C16orf96: variants seen among roughly 807,000 people sequenced by gnomAD.
The protein encoded by C16orf96 is uncharacterized protein C16orf96.
In C16orf96, 108 loss-of-function variants were observed where a neutral mutation model predicts 103.6. That is an observed-to-expected ratio of 1.04 (90% CI 0.89 to 1.22). The LOEUF (loss-of-function observed/expected upper bound fraction) is 1.22, where lower values mean the gene tolerates loss of function less well. Ranked by LOEUF, C16orf96 falls within the 50% of genes most tolerant of loss-of-function variation. The pLI is 0.00. For synonymous variants in C16orf96, 566 were observed against 593.5 expected, an observed-to-expected ratio of 0.95 and a Z score of 0.67; for missense variants, 1,586 against 1,464.2, an observed-to-expected ratio of 1.08 and a Z score of -1.36.
intron 9 of C16orf96, among the ~76,000 whole-genome samples, chr16:4,591,131 G>A (rs984416253): frequency 6.6e-6 from 1 of 152,300 alleles, no homozygotes; most frequent in South Asian, 2.1e-4. Flanking sequence ...AGGTTGCAGT[G>A]AGCAGAGATT....
At chr16:4,584,687 A>G (rs952430047) in intron 7 of C16orf96, among the ~76,000 whole-genome samples, 15 of 152,116 alleles carry the variant, frequency 9.9e-5, no homozygotes, top group Non-Finnish European at 1.9e-4. Flanking sequence ...GGCGTTTGCC[A>G]CCACACTCGG....
At chr16:4,580,635 CAA>C (rs895725367) in intron 7 of C16orf96, among the ~76,000 whole-genome samples, 2 of 151,440 alleles carry the variant, frequency 1.3e-5, no homozygotes, top group Admixed American at 6.6e-5. Flanking sequence ...TCACTTAAGA[CAA>C]AGAGTTTGAG....
intron 1 of C16orf96, chr16:4,562,794 T>G: frequency 8.1e-7 from 1 of 1,228,424 alleles, no homozygotes; most frequent in East Asian, 2.4e-5. Context: ...ACAGGTTTTA[T>G]TTATATGGCT....
Position 4,594,471 on chromosome 16 carries a change from C to G in C16orf96, c.2988C>G (p.Leu996=). The G allele has an allele frequency of 1.9e-6, 3 of 1,551,530 alleles. No individual in the cohort carries two copies. The highest frequency in any genetic ancestry group is 1.2e-5 in the South Asian group (1 of 84,068). Residue 996 remains leucine (L), a synonymous_variant, in exon 13 of 16, where the codon CTC becomes CTG. Coordinates refer to ENST00000444310, the MANE Select transcript of C16orf96 (RefSeq NM_001145011.2). ...GCAAGTCCTGCAACCTGTTGACGCT[C>G]TATCCCTACGGGGATCCCCACGTGA... is the stretch of plus-strand genomic sequence containing the variant. ...LKCKSCNLLT[L]YPYGDPHVID...
the C16orf96 span, among the ~76,000 whole-genome samples, chr16:4,545,959 C>G: frequency 6.6e-6 from 1 of 151,898 alleles, no homozygotes; most frequent in African/African-American, 2.4e-5. Context: ...AAGCGATTCT[C>G]CCGCCTCAGC....
rs191100057 is a variant in C16orf96, at chr16:4,577,178, C to T, written c.2155+543C>T. On this transcript the variant is annotated intron_variant, in intron 5 of 15. Coordinates refer to ENST00000444310, the MANE Select transcript of C16orf96 (RefSeq NM_001145011.2). The stretch of plus-strand genomic sequence containing the variant: ...TGCGCTCCAGCCTGGGCAACAAGAA[C>T]GAAACTCTGTCTCAAAAACAACAAC... Among the ~76,000 whole-genome samples the T allele has an allele frequency of 1.5e-4, 23 of 151,472 alleles. No individual in the cohort carries two copies. In the South Asian group the frequency reaches 2.3e-3, roughly 15 times the overall value.
chr16:4,573,463 G>A (rs1007089934), intron 2 of C16orf96, among the ~76,000 whole-genome samples: 14 of 128,124 alleles, frequency 1.1e-4, no homozygotes, highest in African/African-American at 3.0e-4. Flanking sequence ...AAAAAAGGTG[G>A]GGTCGGTGGG....
At chr16:4,540,948 T>C in the C16orf96 span, among the ~76,000 whole-genome samples, 11,099 of 149,892 alleles carry the variant, frequency 0.074, 813 homozygotes, top group African/African-American at 0.19. Context: ...GGAGTCTCGC[T>C]CTGTCACCAG....
chr16:4,541,736 G>A, the C16orf96 span, among the ~76,000 whole-genome samples: 3 of 152,170 alleles, frequency 2.0e-5, no homozygotes, highest in African/African-American at 2.4e-5. Context: ...GCAAGAAGGT[G>A]GTGATTTGCC....
upstream of C16orf96, among the ~76,000 whole-genome samples, chr16:4,554,234 G>C (rs1482385158): frequency 1.3e-5 from 2 of 152,216 alleles, no homozygotes; most frequent in Non-Finnish European, 2.9e-5. Context: ...GAGAGCACAG[G>C]GGTTGTGAAG....
the C16orf96 span, among the ~76,000 whole-genome samples, chr16:4,543,124 A>G: frequency 1.3e-5 from 2 of 152,212 alleles, no homozygotes; most frequent in African/African-American, 4.8e-5. Flanking sequence ...GAGTGCTTTG[A>G]GAGTTCAGGA....
chr16:4,591,611 G>C (rs1897060402), intron 9 of C16orf96, 55 bp from the exon 10 acceptor site: 2 of 1,399,034 alleles, frequency 1.4e-6, no homozygotes, highest in Non-Finnish European at 2.0e-6. Context: ...CTGGAAGGAG[G>C]CAGGGTGTGA....
rs1480503981 is a variant in C16orf96 at position 4,576,147 on chromosome 16, C to T, written c.1667C>T (p.Ala556Val). 1.3e-6 allele frequency: 2 copies of T among 1,551,376 alleles called. No individual in the cohort carries two copies. The highest frequency in any genetic ancestry group is 1.7e-6 in the Non-Finnish European group (2 of 1,146,994). Residue 556 changes from alanine (A) to valine (V), a missense_variant, in exon 5 of 16, where the codon GCT (alanine) becomes GTT (valine). By Grantham distance (64) the Ala-to-Val change is moderately conservative. Transcript: ENST00000444310. ...GCCCCCAAGGAAGCACAGCCTAAGG[C>T]TCCCCAGTCTGCCCTTCACCGGCTG... Reference protein sequence around the residue: ...DGAPKEAQPKAPQSALHRLKT... With the variant: ...DGAPKEAQPKVPQSALHRLKT...
chr16:4,560,692 A>G (rs988099203), intron 1 of C16orf96: 1 of 152,176 alleles, frequency 6.6e-6, no homozygotes, highest in Non-Finnish European at 1.5e-5. Context: ...ATGCACCTGT[A>G]ATCTCAGCTC....
chr16:4,576,611 C>T lies in C16orf96; in HGVS notation c.2131C>T (p.Leu711=). Reference sequence around the variant, plus strand: ...AGAATTTGCCCAGCTGTCCTGTAACCTGAACCAGCGCTTGAGTTATCTAGG... The same window carrying T: ...AGAATTTGCCCAGCTGTCCTGTAACTTGAACCAGCGCTTGAGTTATCTAGG... ...KEEFAQLSCN[L]NQRLSYLANM... The change falls in exon 5 of 16, where the codon CTG becomes TTG. Residue 711 remains leucine (L), a synonymous_variant. Transcript: ENST00000444310. 1 of 1,551,360 alleles carries T rather than the reference C, an allele frequency of 6.4e-7. No homozygotes were observed. The highest frequency in any genetic ancestry group is 8.7e-7 in the Non-Finnish European group (1 of 1,146,862).
At chr16:4,573,984 C>G (rs1402402569) in intron 2 of C16orf96, among the ~76,000 whole-genome samples, 4 of 150,764 alleles carry the variant, frequency 2.7e-5, no homozygotes, top group Non-Finnish European at 5.9e-5. Context: ...CAGGTGCAAG[C>G]CACCACGCCT....
chr16:4,584,078 G>A (rs1008207028), intron 7 of C16orf96, among the ~76,000 whole-genome samples: 9 of 152,144 alleles, frequency 5.9e-5, no homozygotes, highest in African/African-American at 2.2e-4. Context: ...AAGTCCGATA[G>A]CAATCCTCTA....
chr16:4,555,269 T>TACACACACACAC (rs71139639), upstream of C16orf96, among the ~76,000 whole-genome samples: 2 of 145,590 alleles, frequency 1.4e-5, no homozygotes, highest in African/African-American at 5.1e-5. Context: ...TCACACACAC[T>TACACACACACAC]ACACACACAC....
intron 7 of C16orf96, among the ~76,000 whole-genome samples, chr16:4,585,662 A>T (rs1896908858): frequency 6.6e-6 from 1 of 152,058 alleles, no homozygotes; most frequent in Non-Finnish European, 1.5e-5. Context: ...GCTGCGGCAA[A>T]TCACTCTTGG....
Sources: allele counts gnomAD v4.1 joint callset (sites outside exome capture counted in the v4.1 genomes callset), GRCh38; gene constraint gnomAD v4.1.1; transcripts MANE v1.5; gene names NCBI Gene and HGNC (gene_info 2026-07-23, HGNC 2026-07-21).